Variants in MDN1 observed in about 807,000 individuals in gnomAD.
MDN1 encodes the protein midasin.
MDN1 carries 266 observed loss-of-function variants against 669.2 expected under a neutral mutation model. That is an observed-to-expected ratio of 0.40 (90% confidence interval 0.36 to 0.44). The LOEUF is 0.44. MDN1 is among the 20% of genes least tolerant of loss of function. MDN1 has a pLI of 1.00. For synonymous variants in MDN1, 2,385 were observed against 2,457.1 expected, an observed-to-expected ratio of 0.97 and a Z score of 0.87; for missense variants, 5,940 against 6,754.0, an observed-to-expected ratio of 0.88 and a Z score of 4.22.
At chr6:89,716,565 T>C (rs1814386671) in intron 44 of MDN1, 85 bp downstream of exon 44, 2 of 1,446,504 alleles carry the variant, frequency 1.4e-6, no homozygotes, top group Non-Finnish European at 1.9e-6. Flanking sequence ...AGCTTCAAAA[T>C]ACCAGCACTT....
At chr6:89,685,055 T>G in intron 70 of MDN1, 70 bp from the exon 71 acceptor site, 1 of 1,025,640 alleles carries the variant, frequency 9.8e-7, no homozygotes, top group Non-Finnish European at 1.5e-6. Context: ...GCTGTGGCCT[T>G]CATATTTCAG....
At chr6:89,676,989 C>G (rs1222206708) in intron 76 of MDN1, among the ~76,000 whole-genome samples, 1 of 64,276 alleles carries the variant, frequency 1.6e-5, no homozygotes, top group South Asian at 5.0e-4. Flanking sequence ...TCAAATGAAG[C>G]AAGTAGACCT....
At chr6:89,700,575 A>C (rs1813085151) in intron 56 of MDN1, 71 bp downstream of exon 56, 2 of 1,495,044 alleles carry the variant, frequency 1.3e-6, no homozygotes, top group Admixed American at 1.8e-5. Context: ...TCTAAGGGAA[A>C]ACTTATTAAC....
At chr6:89,754,351 T>A in intron 20 of MDN1, 121 bp from the exon 21 acceptor site, 1 of 930,258 alleles carries the variant, frequency 1.1e-6, no homozygotes, top group Non-Finnish European at 1.6e-6. Context: ...CACAACTTCC[T>A]GGGGCATGCA....
rs1168606501 is a variant in MDN1, at chr6:89,670,139, C to CATATAT, written c.13956+774_13956+779dup. On this transcript the variant is annotated intron_variant, in intron 83 of 101. Coordinates refer to ENST00000369393, the MANE Select transcript of MDN1 (RefSeq NM_014611.3). ...TTTGGAGACTCTGTCTCCAAAAAAA[C>CATATAT]ATATATATATATATATATATATATA... is the stretch of plus-strand genomic sequence containing the variant. Among the ~76,000 whole-genome samples the CATATAT allele has an allele frequency of 3.1e-3, 152 of 48,906 alleles. 1 individual carries two copies. Among genetic ancestry groups the CATATAT allele is most frequent in the African/African-American group, 5.4e-3 (41 of 7,552 alleles). 32.1% of individuals were successfully genotyped at this position (48,906 alleles called of 152,430 possible).
At position 89,652,252 on chromosome 6, in the gene MDN1, T is replaced by C; in HGVS notation, c.15855A>G (p.Arg5285=). 1.2e-6 allele frequency: 2 copies of C among 1,613,966 alleles called. No homozygotes were observed. The highest frequency in any genetic ancestry group is 1.1e-5 in the South Asian group (1 of 91,044). ...TTTCCAGCTGTCTCTCCAGCTCCTG[T>C]CTTAGCTCATTGACATCTTTTAAAA... is the stretch of plus-strand genomic sequence containing the variant. ...QPFLKDVNEL[R]QELERQLEMW... The change falls in exon 95 of 102, where the codon AGA becomes AGG. Residue 5285 remains arginine (R), a synonymous_variant. Transcript: ENST00000369393.
chr6:89,764,328 G>A (rs1387129671), intron 15 of MDN1, among the ~76,000 whole-genome samples: 1 of 152,192 alleles, frequency 6.6e-6, no homozygotes, highest in Non-Finnish European at 1.5e-5. Flanking sequence ...CAATAGGCCA[G>A]GTGCGGTGGC....
intron 8 of MDN1, among the ~76,000 whole-genome samples, chr6:89,786,444 A>ATG (rs1451236255): frequency 1.3e-5 from 2 of 151,362 alleles, no homozygotes; most frequent in African/African-American, 2.4e-5. Context: ...AATAATAATA[A>ATG]AAAAAATTTG....
chr6:89,748,734 A>G (rs1378285224), intron 26 of MDN1, among the ~76,000 whole-genome samples: 2 of 152,072 alleles, frequency 1.3e-5, no homozygotes, highest in Admixed American at 1.3e-4. Context: ...AAAAAAACTA[A>G]AAATATATAT....
chr6:89,654,906 C>G (rs1464299504), intron 92 of MDN1, among the ~76,000 whole-genome samples: 1 of 152,110 alleles, frequency 6.6e-6, no homozygotes, highest in Non-Finnish European at 1.5e-5. Context: ...AAACAAGGCA[C>G]AGAAAGACGA....
At chr6:89,797,651 G>A (rs747677234) in intron 2 of MDN1, 3 of 482,426 alleles carry the variant, frequency 6.2e-6, no homozygotes, top group Non-Finnish European at 1.3e-5. Context: ...AGCATATGAA[G>A]CCTCAAGTAA....
chr6:89,770,998 G>C (rs1818052469), intron 15 of MDN1, among the ~76,000 whole-genome samples: 1 of 152,120 alleles, frequency 6.6e-6, no homozygotes, highest in Non-Finnish European at 1.5e-5. Context: ...GTGGTTGGGG[G>C]GTAAGGTGCA....
intron 88 of MDN1, among the ~76,000 whole-genome samples, chr6:89,661,023 A>C (rs1352278450): frequency 2.0e-5 from 3 of 152,234 alleles, no homozygotes; most frequent in Non-Finnish European, 4.4e-5. Context: ...TACACATGAC[A>C]ATCAATAACT....
Position 89,670,943 on chromosome 6 carries a change from C to G in MDN1, c.13932G>C (p.Gln4644His). The G allele has an allele frequency of 6.2e-7, 1 of 1,614,120 alleles. No homozygotes were observed. The highest frequency in any genetic ancestry group is 1.3e-5 in the African/African-American group (1 of 75,022). ...STAKLLSVLA[Q>H]VFTELAQKGF... ...CCTTCTGGGCAAGCTCTGTAAAGACCTGGGCAAGCACAGAGAGCAGCTTTG... is the reference window on the plus strand; with the variant it reads ...CCTTCTGGGCAAGCTCTGTAAAGACGTGGGCAAGCACAGAGAGCAGCTTTG... The change falls in exon 83 of 102, where the codon CAG (glutamine) becomes CAC (histidine). Residue 4644 changes from glutamine to histidine, a missense_variant. By Grantham distance (24) the Gln-to-His change is conservative. Around this residue, in one of 5 missense-constraint regions of MDN1, gnomAD observed 2,280 missense variants for 2,576.3 expected, o/e 0.88. Transcript: ENST00000369393.
chr6:89,816,506 C>G (rs989201960), intron 1 of MDN1, among the ~76,000 whole-genome samples: 1 of 151,908 alleles, frequency 6.6e-6, no homozygotes, highest in Non-Finnish European at 1.5e-5. Flanking sequence ...AGGTGGATCA[C>G]TTGAGCCTAG....
At chr6:89,653,668 A>G (rs1809043461) in intron 93 of MDN1, among the ~76,000 whole-genome samples, 1 of 152,226 alleles carries the variant, frequency 6.6e-6, no homozygotes, top group Non-Finnish European at 1.5e-5. Context: ...GAATTTGGCA[A>G]GTTCTTTTGA....
At chr6:89,654,084 C>A in intron 93 of MDN1, 80 bp downstream of exon 93, 1 of 1,477,522 alleles carries the variant, frequency 6.8e-7, no homozygotes, top group Non-Finnish European at 9.3e-7. Flanking sequence ...AACTGAACAC[C>A]AGACTAGATT....
intron 100 of MDN1, 108 bp from the exon 101 acceptor site, chr6:89,645,265 A>G: frequency 8.2e-7 from 1 of 1,219,172 alleles, no homozygotes; most frequent in Non-Finnish European, 1.1e-6. Flanking sequence ...CTGTACTATT[A>G]AAGCTAAACA....
rs1362908254 is a variant in MDN1, at chr6:89,699,039, G to C, written c.8998-4C>G. 6.2e-7 allele frequency: 1 copy of C among 1,604,792 alleles called. No individual in the cohort carries two copies. The highest frequency in any genetic ancestry group is 8.5e-7 in the Non-Finnish European group (1 of 1,173,336). ...ATGTAATTTCTTCAGGAGACACCTA[G>C]AAATAAAGGAATAATTAGGTAAGAG... On this transcript the variant is annotated splice_region_variant and splice_polypyrimidine_tract_variant and intron_variant, in intron 58 of 101. Coordinates refer to ENST00000369393, the MANE Select transcript of MDN1 (RefSeq NM_014611.3).
Sources: allele counts gnomAD v4.1 joint callset (sites outside exome capture counted in the v4.1 genomes callset), GRCh38; gene constraint gnomAD v4.1.1; regional missense constraint gnomAD v4.1.1; transcripts MANE v1.5; gene names NCBI Gene and HGNC (gene_info 2026-07-23, HGNC 2026-07-21).